The following TANGO6 variants were observed in gnomAD, a reference collection of about 807,000 sequenced individuals.
TANGO6 encodes transport and golgi organization 6 homolog.
A neutral mutation model predicts 114.2 loss-of-function variants in TANGO6; 90 were observed. The ratio of observed to expected loss-of-function variants is 0.79; its 90% CI spans 0.66 to 0.94. TANGO6 has a LOEUF of 0.94. Ranked by LOEUF, TANGO6 falls within the 40% of genes least tolerant of loss-of-function variation. TANGO6 has a pLI of 0.00. For synonymous variants in TANGO6, 477 were observed against 509.8 expected (o/e 0.94, Z 0.87); for missense variants, 1,274 against 1,315.3 (o/e 0.97, Z 0.49).
intron 17 of TANGO6, among the ~76,000 whole-genome samples, chr16:69,043,311 T>TGTGC (rs976588121): frequency 6.6e-6 from 1 of 150,488 alleles, no homozygotes; most frequent in Non-Finnish European, 1.5e-5. Context: ...TGTGTGTGTG[T>TGTGC]GTGTGTGTGT....
chr16:68,964,625 G>A (rs1597039160), intron 14 of TANGO6, among the ~76,000 whole-genome samples: 1 of 143,116 alleles, frequency 7.0e-6, no homozygotes, highest in East Asian at 2.1e-4. Context: ...GGAGTGCAGT[G>A]ACGCGATCTT....
At chr16:69,080,597 G>A (rs1960449327) in intron 17 of TANGO6, among the ~76,000 whole-genome samples, 1 of 152,164 alleles carries the variant, frequency 6.6e-6, no homozygotes, top group African/African-American at 2.4e-5. Context: ...ACACATGTGT[G>A]CTTGTAAACA....
At chr16:68,884,284 A>G (rs999229831) in intron 7 of TANGO6, among the ~76,000 whole-genome samples, 1 of 152,168 alleles carries the variant, frequency 6.6e-6, no homozygotes, top group African/African-American at 2.4e-5. Flanking sequence ...AATGGAGTCT[A>G]CCCTTTGAGG....
At chr16:69,008,715 T>C (rs559881567) in intron 15 of TANGO6, among the ~76,000 whole-genome samples, 1 of 152,036 alleles carries the variant, frequency 6.6e-6, no homozygotes, top group South Asian at 2.1e-4. Context: ...CGATCTCAGC[T>C]GACCACAACC....
At chr16:68,923,210 C>T (rs555415191) in intron 12 of TANGO6, among the ~76,000 whole-genome samples, 3 of 151,542 alleles carry the variant, frequency 2.0e-5, no homozygotes, top group Admixed American at 6.6e-5. Flanking sequence ...TGCCCGCTTC[C>T]GCCTCCCAAA....
intron 1 of TANGO6, among the ~76,000 whole-genome samples, chr16:68,845,466 C>T (rs757548249): frequency 2.0e-5 from 3 of 151,970 alleles, no homozygotes; most frequent in Non-Finnish European, 2.9e-5. Context: ...GGAATTAGTT[C>T]GTGAAATTAT....
chr16:68,889,760 C>T (rs1249735688), intron 7 of TANGO6, among the ~76,000 whole-genome samples: 2 of 152,214 alleles, frequency 1.3e-5, no homozygotes, highest in Admixed American at 1.3e-4. Flanking sequence ...CCAAAGTTGA[C>T]TGTCCATGCA....
intron 14 of TANGO6, among the ~76,000 whole-genome samples, chr16:68,970,436 G>A (rs1468080456): frequency 1.3e-5 from 2 of 152,100 alleles, no homozygotes; most frequent in East Asian, 3.9e-4. Flanking sequence ...GGGAGGCCGA[G>A]GCAGGTGGAT....
In TANGO6 at chr16:68,974,116, A is replaced by G; in HGVS notation, c.2790A>G (p.Pro930=). ...QYDSSKDKHT[P]ETRMKVGEVL... is the part of the protein sequence containing the mutation. ...ACAGCAGCAAAGACAAGCACACACC[A>G]GAGACCAGAATGAAAGTCGGGGAAG... The change falls in exon 15 of 18, where the codon CCA becomes CCG. Residue 930 remains proline (P), a synonymous_variant. Coordinates refer to ENST00000261778, the MANE Select transcript of TANGO6 (RefSeq NM_024562.2). The G allele has an allele frequency of 6.2e-7, 1 of 1,613,938 alleles. No individual in the cohort carries two copies.
At chr16:68,921,796 C>T (rs959254521) in intron 12 of TANGO6, among the ~76,000 whole-genome samples, 3 of 152,050 alleles carry the variant, frequency 2.0e-5, no homozygotes, top group Admixed American at 6.6e-5. Context: ...TTATACCTTG[C>T]AGGCCCCTGC....
chr16:69,010,199 G>C (rs1175765536), intron 15 of TANGO6, among the ~76,000 whole-genome samples: 1 of 152,150 alleles, frequency 6.6e-6, no homozygotes, highest in East Asian at 1.9e-4. Flanking sequence ...TTCAACTGTA[G>C]TGAGATTATG....
rs1483869685 is a variant in TANGO6 at position 69,084,354 on chromosome 16, ATTC to A, written c.*700_*702del. 2.0e-5 allele frequency: 3 copies of A among 152,308 alleles called. No homozygotes were observed. Among genetic ancestry groups the A allele is most frequent in the Non-Finnish European group, 4.4e-5 (3 of 68,044 alleles). 9.4% of individuals were successfully genotyped at this position (152,308 alleles called of 1,614,324 possible). Reference sequence around the variant, plus strand: ...AGCCCTGTATTTATCCTCCCAGGCCATTCTTCTTCACTCCTGCTGCTGTTTGCA... The same window carrying A: ...AGCCCTGTATTTATCCTCCCAGGCCATTCTTCACTCCTGCTGCTGTTTGCA... On this transcript the variant is annotated 3_prime_UTR_variant, in exon 18 of 18. Coordinates refer to ENST00000261778, the MANE Select transcript of TANGO6 (RefSeq NM_024562.2).
chr16:69,044,870 A>T (rs1335088042), intron 17 of TANGO6, among the ~76,000 whole-genome samples: 1 of 152,152 alleles, frequency 6.6e-6, no homozygotes, highest in African/African-American at 2.4e-5. Context: ...AAAAAATTTT[A>T]AAAGGCTGGG....
At chr16:68,865,798 G>A (rs1350569741) in intron 3 of TANGO6, among the ~76,000 whole-genome samples, 1 of 151,120 alleles carries the variant, frequency 6.6e-6, no homozygotes, top group Non-Finnish European at 1.5e-5. Flanking sequence ...GGTGCCTGTA[G>A]TCCCAGCTAC....
At chr16:69,021,171 T>C (rs780315145) in intron 15 of TANGO6, among the ~76,000 whole-genome samples, 5 of 152,100 alleles carry the variant, frequency 3.3e-5, no homozygotes, top group Non-Finnish European at 5.9e-5. Flanking sequence ...CCTTGCAGTG[T>C]CCTGCAAGGC....
intron 15 of TANGO6, among the ~76,000 whole-genome samples, chr16:68,993,443 G>C (rs1482263792): frequency 6.6e-6 from 1 of 152,134 alleles, no homozygotes; most frequent in Non-Finnish European, 1.5e-5. Context: ...ATAGATTTTT[G>C]CATTCATTTT....
intron 17 of TANGO6, among the ~76,000 whole-genome samples, chr16:69,079,678 T>C (rs1482313372): frequency 1.3e-5 from 2 of 152,146 alleles, no homozygotes; most frequent in Admixed American, 1.3e-4. Flanking sequence ...AGTATGCAAA[T>C]TCATAACAGC....
rs186343645 is a variant in TANGO6 at position 69,010,076 on chromosome 16, T to C, written c.2843-12752T>C. ...ATCTAGAAAGTTTTCAATCATTCTG[T>C]GTATCATCTTATCATTCTATTTGCT... On this transcript the variant is annotated intron_variant, in intron 15 of 17. Transcript: ENST00000261778. Among the ~76,000 whole-genome samples the C allele has an allele frequency of 7.9e-5, 12 of 152,310 alleles. No homozygotes were observed. The East Asian group carries it at 2.1e-3, about 27-fold the overall frequency.
chr16:68,950,827 C>G (rs1463322543), intron 14 of TANGO6, among the ~76,000 whole-genome samples: 1 of 152,028 alleles, frequency 6.6e-6, no homozygotes, highest in Non-Finnish European at 1.5e-5. Context: ...CCGTTGCACT[C>G]CAGCCTGGGC....
Sources: gnomAD v4.1 joint callset for allele counts (sites outside exome capture counted in the v4.1 genomes callset) on GRCh38, gnomAD v4.1.1 for gene constraint, MANE v1.5 for transcripts, NCBI Gene and HGNC (gene_info 2026-07-23, HGNC 2026-07-21) for gene names.